The following CHST15 variants were observed in gnomAD, a reference collection of about 807,000 sequenced individuals.
CHST15 encodes B cell RAG associated protein (GALNAC4S-6ST).
Under a neutral mutation model 53.6 loss-of-function variants are expected in CHST15, and 30 were observed. The observed-to-expected ratio is 0.56, with a 90% CI of 0.42 to 0.76. The LOEUF (loss-of-function observed/expected upper bound fraction) is 0.76, where lower values mean the gene tolerates loss of function less well. Ranked by LOEUF, CHST15 falls within the 30% of genes least tolerant of loss-of-function variation. CHST15 has a pLI of 0.00. For synonymous variants in CHST15, 296 were observed against 289.8 expected (o/e 1.02, Z -0.22); for missense variants, 627 against 740.5 (o/e 0.85, Z 1.78).
At chr10:124,022,448 A>G (rs1946823195) in intron 5 of CHST15, among the ~76,000 whole-genome samples, 2 of 152,242 alleles carry the variant, frequency 1.3e-5, no homozygotes, top group African/African-American at 4.8e-5. Context: ...GTTTCTGCCT[A>G]TAAAGCCAGA....
intron 5 of CHST15, among the ~76,000 whole-genome samples, chr10:124,037,092 ACTCCAGC>A (rs1947526900): frequency 6.6e-6 from 1 of 151,644 alleles, no homozygotes; most frequent in African/African-American, 2.4e-5. Flanking sequence ...TGGCAGCATC[ACTCCAGC>A]CTCGTCAAGA....
At chr10:124,081,842 T>G (rs979867235) in intron 1 of CHST15, among the ~76,000 whole-genome samples, 3 of 152,108 alleles carry the variant, frequency 2.0e-5, no homozygotes, top group Admixed American at 6.5e-5. Context: ...CAGCGTACCC[T>G]TGAAAAAACA....
At chr10:124,089,330 A>T (rs1396180468) in intron 1 of CHST15, among the ~76,000 whole-genome samples, 1 of 151,754 alleles carries the variant, frequency 6.6e-6, no homozygotes, top group Non-Finnish European at 1.5e-5. Flanking sequence ...AATTTAGACG[A>T]CTCTTCTTTC....
chr10:124,091,360 G>A (rs1949595134), intron 1 of CHST15, among the ~76,000 whole-genome samples: 1 of 152,198 alleles, frequency 6.6e-6, no homozygotes, highest in Non-Finnish European at 1.5e-5. Context: ...CAGGAAAGCG[G>A]GGGATGGATA....
intron 1 of CHST15, among the ~76,000 whole-genome samples, chr10:124,089,416 C>T (rs1278064864): frequency 5.9e-5 from 9 of 152,176 alleles, no homozygotes; most frequent in African/African-American, 1.7e-4. Context: ...AGGGCCTGAA[C>T]GTGTAGATGG....
At chr10:124,080,557 A>C (rs902838796) in intron 1 of CHST15, among the ~76,000 whole-genome samples, 23 of 152,218 alleles carry the variant, frequency 1.5e-4, no homozygotes, top group Non-Finnish European at 2.8e-4. Context: ...CCCAGCTCCT[A>C]GAACAGCATG....
chr10:124,085,942 C>A (rs1045219755), intron 1 of CHST15, among the ~76,000 whole-genome samples: 3 of 152,164 alleles, frequency 2.0e-5, no homozygotes, highest in Non-Finnish European at 4.4e-5. Context: ...CCAGGCCCGG[C>A]TGGCCAGGCG....
Position 124,074,179 on chromosome 10 carries a change from C to T in CHST15, c.-513+19290G>A, listed in dbSNP as rs539315310. On this transcript the variant is annotated intron_variant, in intron 1 of 7. Transcript: ENST00000435907. The surrounding 1 kb of genome is among the most constrained non-coding windows in gnomAD (Gnocchi z 4.4). ...AGGGAAGGTAGCTTGCTCTCCCTCCCAAGATCTTTCCACTTCATTTCTGCA... is the reference window on the plus strand; with the variant it reads ...AGGGAAGGTAGCTTGCTCTCCCTCCTAAGATCTTTCCACTTCATTTCTGCA... Among the ~76,000 whole-genome samples, 80 of 152,350 alleles carry T rather than the reference C, an allele frequency of 5.3e-4. No homozygotes were observed. Among genetic ancestry groups the T allele is most frequent in the Middle Eastern group, 6.8e-3 (2 of 294 alleles).
rs766943049 is a variant in CHST15, at chr10:124,019,586, C to T, written c.1347+1670G>A. The T allele has an allele frequency of 1.1e-4, 21 of 198,796 alleles. No homozygotes were observed. Among genetic ancestry groups the T allele is most frequent in the African/African-American group, 2.4e-4 (10 of 42,402 alleles). The allele number at this position is 198,796 out of a possible 1,614,324, so 12.3% of individuals were successfully genotyped here. A position where few individuals can be genotyped will look rare whatever the true frequency, so the allele number is the denominator to read the frequency against. Reference sequence around the variant, plus strand: ...AACACGCACAGGTTTCCCGTTTCTCCGGGTCTCCGTTTCCTTATGAAGGCT... The same window carrying T: ...AACACGCACAGGTTTCCCGTTTCTCTGGGTCTCCGTTTCCTTATGAAGGCT... On this transcript the variant is annotated intron_variant, in intron 6 of 7. Transcript: ENST00000435907. The surrounding 1 kb of genome is among the most constrained non-coding windows in gnomAD (Gnocchi z 4.6).
intron 1 of CHST15, among the ~76,000 whole-genome samples, chr10:124,087,649 G>A (rs1167787293): frequency 1.3e-5 from 2 of 152,190 alleles, no homozygotes; most frequent in African/African-American, 4.8e-5. Flanking sequence ...CCTGGGCCAC[G>A]ATAAGTTCTA....
At chr10:124,040,475 A>G (rs1285243581) in intron 4 of CHST15, among the ~76,000 whole-genome samples, 2 of 152,248 alleles carry the variant, frequency 1.3e-5, no homozygotes, top group Non-Finnish European at 2.9e-5. Context: ...CATCACGTTC[A>G]GGCCACTTGA....
chr10:124,020,964 C>T, intron 6 of CHST15: 1 of 1,394,430 alleles, frequency 7.2e-7, no homozygotes, highest in Non-Finnish European at 9.3e-7. Context: ...ATTCTAATTG[C>T]TGGGTGTCTT....
chr10:124,042,523 C>A, intron 3 of CHST15, 76 bp from the exon 4 acceptor site: 1 of 1,534,994 alleles, frequency 6.5e-7, no homozygotes, highest in East Asian at 2.3e-5. Flanking sequence ...AGACAGCAAC[C>A]AAAGAGAGAT....
At chr10:124,072,960 T>C (rs1481430938) in intron 1 of CHST15, among the ~76,000 whole-genome samples, 2 of 152,172 alleles carry the variant, frequency 1.3e-5, no homozygotes, top group African/African-American at 4.8e-5. Flanking sequence ...AGTCTCACCT[T>C]ACATTTTTTC....
chr10:124,007,668 T>G lies in CHST15; in HGVS notation c.*2481A>C. On this transcript the variant is annotated 3_prime_UTR_variant, in exon 8 of 8. Coordinates refer to ENST00000435907, the MANE Select transcript of CHST15 (RefSeq NM_001270764.2). Reference sequence around the variant, plus strand: ...GATTCACTCATGCACCAGGAAGAGCTTGGCTGCAGAGGAAGAGCACGCGCT... The same window carrying G: ...GATTCACTCATGCACCAGGAAGAGCGTGGCTGCAGAGGAAGAGCACGCGCT... 1.6e-6 allele frequency: 2 copies of G among 1,214,066 alleles called. No homozygotes were observed. The highest frequency in any genetic ancestry group is 2.0e-6 in the Non-Finnish European group (2 of 977,738). 75.2% of individuals were successfully genotyped at this position (1,214,066 alleles called of 1,614,324 possible).
intron 1 of CHST15, among the ~76,000 whole-genome samples, chr10:124,087,716 C>G (rs555970172): frequency 2.6e-5 from 4 of 151,986 alleles, no homozygotes; most frequent in Admixed American, 2.6e-4. Flanking sequence ...CCCACCCCCC[C>G]GCCCTCCAGG....
intron 1 of CHST15, among the ~76,000 whole-genome samples, chr10:124,084,959 A>T (rs1949371506): frequency 6.6e-6 from 1 of 152,188 alleles, no homozygotes; most frequent in Non-Finnish European, 1.5e-5. Context: ...GTGTGGAGAG[A>T]AACACAAGCC....
intron 7 of CHST15, chr10:124,011,444 G>A: frequency 1.0e-6 from 1 of 985,440 alleles, no homozygotes; most frequent in Non-Finnish European, 1.2e-6. Context: ...AAAATCAAAT[G>A]ATCAAAGAGG....
At chr10:124,026,246 C>G (rs527674815) in intron 5 of CHST15, among the ~76,000 whole-genome samples, 3 of 152,164 alleles carry the variant, frequency 2.0e-5, no homozygotes, top group Admixed American at 2.0e-4. Context: ...CAGGGGAGCA[C>G]TGAGACGGGG....
Sources: gnomAD v4.1 joint callset for allele counts (sites outside exome capture counted in the v4.1 genomes callset) on GRCh38, gnomAD v4.1.1 for gene constraint, Gnocchi (gnomAD v3.1) non-coding constraint, MANE v1.5 for transcripts, NCBI Gene and HGNC (gene_info 2026-07-23, HGNC 2026-07-21) for gene names.